The following SLC35F1 variants were observed in gnomAD, a reference collection of about 807,000 sequenced individuals.
SLC35F1 encodes solute carrier family 35 member F1.
A neutral mutation model predicts 48.7 loss-of-function variants in SLC35F1; 14 were observed. The ratio of observed to expected loss-of-function variants is 0.29; its 90% CI spans 0.19 to 0.45. The LOEUF (loss-of-function observed/expected upper bound fraction) is 0.45. SLC35F1 is among the 20% of genes least tolerant of loss of function. SLC35F1 has a pLI of 1.00. For missense variants in SLC35F1, 404 were observed against 500.0 expected (o/e 0.81, Z 1.83); for synonymous variants, 190 against 202.2 (o/e 0.94, Z 0.51).
rs1431309173 is a variant in SLC35F1, at chr6:117,907,275, C to G, written c.-452C>G. Among the ~76,000 whole-genome samples, 1 of 150,434 alleles carries G rather than the reference C, an allele frequency of 6.6e-6. No homozygotes were observed. On this transcript the variant is annotated 5_prime_UTR_variant, in exon 1 of 8. Transcript: ENST00000360388. ...TCACTCCGTGAGACACAGACGGTAG[C>G]TTTCCGACCGAGCGGGGCACAGGCT... is the stretch of plus-strand genomic sequence containing the variant.
At chr6:118,305,306 A>G (rs1302712557) in intron 7 of SLC35F1, among the ~76,000 whole-genome samples, 2 of 151,474 alleles carry the variant, frequency 1.3e-5, no homozygotes, top group East Asian at 3.9e-4. Context: ...CACCCCACCC[A>G]CATTATGGAA....
intron 1 of SLC35F1, among the ~76,000 whole-genome samples, chr6:118,129,634 A>G (rs1409256545): frequency 1.3e-5 from 2 of 152,090 alleles, no homozygotes; most frequent in Non-Finnish European, 1.5e-5. Flanking sequence ...GAGGGATGTT[A>G]TGGAAATTGA....
chr6:118,002,506 C>T (rs377326207), intron 1 of SLC35F1, among the ~76,000 whole-genome samples: 1,625 of 151,356 alleles, frequency 0.011, 83 homozygotes, highest in Admixed American at 0.091. Flanking sequence ...TGTTAAATGA[C>T]GAGTTAATGG....
At chr6:118,174,735 A>G (rs1167281083) in intron 2 of SLC35F1, among the ~76,000 whole-genome samples, 1 of 152,164 alleles carries the variant, frequency 6.6e-6, no homozygotes, top group Non-Finnish European at 1.5e-5. Context: ...AAAGAAAATC[A>G]CATTTCTTTT....
At chr6:117,955,368 C>T (rs765212555) in intron 1 of SLC35F1, among the ~76,000 whole-genome samples, 8 of 152,174 alleles carry the variant, frequency 5.3e-5, no homozygotes, top group Admixed American at 1.3e-4. Context: ...TTGTTCAATG[C>T]GTGGTCTGAC....
At chr6:118,183,373 C>T (rs17079812) in intron 2 of SLC35F1, among the ~76,000 whole-genome samples, 7,595 of 151,890 alleles carry the variant, frequency 0.05, 651 homozygotes, top group African/African-American at 0.17. Context: ...CTAAGACATG[C>T]GTGGAAGAGA....
chr6:118,286,557 T>A (rs568062145), intron 7 of SLC35F1, among the ~76,000 whole-genome samples: 2 of 152,264 alleles, frequency 1.3e-5, no homozygotes, highest in East Asian at 3.9e-4. Context: ...GAAACAGATC[T>A]GAGAGATGGT....
intron 1 of SLC35F1, among the ~76,000 whole-genome samples, chr6:118,051,319 TCTTA>T (rs529693969): frequency 2.2e-4 from 34 of 152,186 alleles, no homozygotes; most frequent in Admixed American, 3.9e-4. Context: ...ATGCATTGAT[TCTTA>T]CTAAGTACTC....
intron 2 of SLC35F1, among the ~76,000 whole-genome samples, chr6:118,164,274 G>A (rs1774283311): frequency 6.6e-6 from 1 of 151,942 alleles, no homozygotes; most frequent in Non-Finnish European, 1.5e-5. Flanking sequence ...GCCATTTTTT[G>A]TTTTACTATT....
intron 1 of SLC35F1, among the ~76,000 whole-genome samples, chr6:118,048,438 T>C (rs1352694702): frequency 1.3e-5 from 2 of 152,276 alleles, no homozygotes; most frequent in Non-Finnish European, 2.9e-5. Context: ...TGTTTGCAGA[T>C]GACATGATTG....
intron 1 of SLC35F1, among the ~76,000 whole-genome samples, chr6:117,945,214 C>G (rs556067800): frequency 6.6e-6 from 1 of 152,330 alleles, no homozygotes; most frequent in South Asian, 2.1e-4. Flanking sequence ...TTGCCCAGTC[C>G]TCCTCTAATG....
At chr6:117,984,036 A>G (rs1478200002) in intron 1 of SLC35F1, among the ~76,000 whole-genome samples, 3 of 152,222 alleles carry the variant, frequency 2.0e-5, no homozygotes, top group Non-Finnish European at 4.4e-5. Flanking sequence ...CTCCAACAAC[A>G]GTTTAAACAG....
rs1258570453 is a variant in SLC35F1, at chr6:118,070,896, T to G, written c.174-83549T>G. On this transcript the variant is annotated intron_variant, in intron 1 of 7. Coordinates refer to ENST00000360388, the MANE Select transcript of SLC35F1 (RefSeq NM_001029858.4). ...TATGTATATATATACATAGTAAATA[T>G]ATATACTATATATATATACATAGTA... 4.5e-4 allele frequency among the ~76,000 whole-genome samples: 3 copies of G among 6,728 alleles called. No homozygotes were observed. In the Non-Finnish European group the frequency reaches 0.013, roughly 29 times the overall value. 4.4% of individuals were successfully genotyped at this position (6,728 alleles called of 152,430 possible).
intron 3 of SLC35F1, among the ~76,000 whole-genome samples, chr6:118,254,788 T>C (rs1422534399): frequency 6.6e-6 from 1 of 152,174 alleles, no homozygotes; most frequent in Non-Finnish European, 1.5e-5. Context: ...TGTACTTGCT[T>C]TAATGTTACT....
At chr6:117,987,066 A>C (rs975136392) in intron 1 of SLC35F1, among the ~76,000 whole-genome samples, 1 of 152,178 alleles carries the variant, frequency 6.6e-6, no homozygotes, top group African/African-American at 2.4e-5. Context: ...AATCACGTTA[A>C]AGGCCAAGCC....
rs1287258245 is a variant in SLC35F1, at chr6:117,907,495, G to A, written c.-232G>A. ...GGAAGAGCCGGGGCGGGCGGCGGCG[G>A]CGGCGGCACGGGCGCGAGGGTGCGC... On this transcript the variant is annotated 5_prime_UTR_variant, in exon 1 of 8. Coordinates refer to ENST00000360388, the MANE Select transcript of SLC35F1 (RefSeq NM_001029858.4). 6 of 281,410 alleles carry A rather than the reference G, an allele frequency of 2.1e-5. No individual in the cohort carries two copies. The Admixed American group carries it at 3.2e-4, about 15-fold the overall frequency. The allele number at this position is 281,410 out of a possible 1,614,324, so 17.4% of individuals were successfully genotyped here.
intron 3 of SLC35F1, among the ~76,000 whole-genome samples, chr6:118,257,432 A>T (rs1481348036): frequency 6.6e-6 from 1 of 152,180 alleles, no homozygotes. Flanking sequence ...AAGAAAGTTG[A>T]GGCTAAGTTA....
At chr6:118,026,684 A>T (rs1771951958) in intron 1 of SLC35F1, among the ~76,000 whole-genome samples, 1 of 152,200 alleles carries the variant, frequency 6.6e-6, no homozygotes, top group African/African-American at 2.4e-5. Context: ...TTAAGCTGGT[A>T]TTGAGAAGTT....
intron 1 of SLC35F1, among the ~76,000 whole-genome samples, chr6:117,930,736 A>C (rs1582569796): frequency 6.6e-6 from 1 of 152,080 alleles, no homozygotes; most frequent in African/African-American, 2.4e-5. Context: ...GCGGGCAGGC[A>C]GGGCCCAAAC....
Sources: gnomAD v4.1 joint callset for allele counts (sites outside exome capture counted in the v4.1 genomes callset) on GRCh38, gnomAD v4.1.1 for gene constraint, MANE v1.5 for transcripts, NCBI Gene and HGNC (gene_info 2026-07-23, HGNC 2026-07-21) for gene names.